The following SH2D4A variants were observed in gnomAD, a reference collection of about 807,000 sequenced individuals.
The protein encoded by SH2D4A is SH2 domain-containing protein 4A.
A neutral mutation model predicts 64.7 loss-of-function variants in SH2D4A; 70 were observed. The ratio of observed to expected loss-of-function variants is 1.08; its 90% CI spans 0.89 to 1.32. The LOEUF (loss-of-function observed/expected upper bound fraction) is 1.32, where lower values mean the gene tolerates loss of function less well. SH2D4A is among the 40% of genes most tolerant of loss of function. The pLI, the probability that SH2D4A is intolerant of heterozygous loss-of-function variation, is 0.00. For synonymous variants in SH2D4A, 268 were observed against 200.7 expected, an observed-to-expected ratio of 1.34 and a Z score of -2.83; for missense variants, 706 against 540.1, an observed-to-expected ratio of 1.31 and a Z score of -3.04.
chr8:19,355,280 C>G (rs1439478016), intron 4 of SH2D4A, among the ~76,000 whole-genome samples: 2 of 152,112 alleles, frequency 1.3e-5, no homozygotes, highest in South Asian at 2.1e-4. Flanking sequence ...TTTTAAAGCT[C>G]TCCTTCCTGG....
chr8:19,392,502 T>C (rs1029340398), intron 8 of SH2D4A, among the ~76,000 whole-genome samples: 3 of 152,112 alleles, frequency 2.0e-5, no homozygotes, highest in African/African-American at 7.2e-5. Flanking sequence ...AAGATGTCTC[T>C]CGGACACCTT....
intron 1 of SH2D4A, 134 bp downstream of exon 1, chr8:19,313,957 C>G (rs1481691260): frequency 4.7e-6 from 6 of 1,271,520 alleles, no homozygotes; most frequent in Non-Finnish European, 4.9e-6. Context: ...GAAGCCTCAC[C>G]CCCGCCTCCA....
At chr8:19,363,858 C>T (rs940343670) in intron 6 of SH2D4A, 2 of 566,572 alleles carry the variant, frequency 3.5e-6, no homozygotes, top group Non-Finnish European at 6.3e-6. Context: ...TCTCAGAAAA[C>T]CCCCAGTCCT....
chr8:19,343,546 T>C (rs1355081541), intron 4 of SH2D4A, among the ~76,000 whole-genome samples: 2 of 152,194 alleles, frequency 1.3e-5, no homozygotes, highest in African/African-American at 4.8e-5. Context: ...TATTTGGAAA[T>C]TCTTTGAAAA....
chr8:19,379,131 A>T (rs2153650844), intron 8 of SH2D4A, among the ~76,000 whole-genome samples: 1 of 151,832 alleles, frequency 6.6e-6, no homozygotes, highest in East Asian at 1.9e-4. Context: ...TGCAGAAGTT[A>T]TTTCACCTTG....
intron 2 of SH2D4A, among the ~76,000 whole-genome samples, chr8:19,331,952 G>A (rs1233185770): frequency 1.3e-5 from 2 of 152,110 alleles, no homozygotes; most frequent in Non-Finnish European, 2.9e-5. Flanking sequence ...CCAGAAGTTT[G>A]AGACCAGCCT....
intron 4 of SH2D4A, among the ~76,000 whole-genome samples, chr8:19,344,775 CTT>C (rs11326703): frequency 1.3e-5 from 2 of 151,890 alleles, no homozygotes; most frequent in Admixed American, 6.6e-5. Context: ...CAGATTTCAG[CTT>C]TTTTTTCCCA....
rs1563207129 is a variant in SH2D4A, at chr8:19,373,616, CG to C, written c.1007del (p.Gly336AlafsTer9). 1 of 1,613,270 alleles carries C rather than the reference CG, an allele frequency of 6.2e-7. No homozygotes were observed. The highest frequency in any genetic ancestry group is 1.7e-5 in the Admixed American group (1 of 59,930). On this transcript the variant is annotated frameshift_variant, in exon 8 of 10. Transcript: ENST00000265807. LOFTEE classifies it high-confidence loss of function. ...AAAGAGGAGCAGCTACCACTTCGAGCGGGCTACCAGAAAACCTCAGACACCA... is the reference window on the plus strand; with the variant it reads ...AAAGAGGAGCAGCTACCACTTCGAGCGGCTACCAGAAAACCTCAGACACCA... ...WFKEEQLPLR[A>X]GYQKTSDTIA...
intron 4 of SH2D4A, among the ~76,000 whole-genome samples, chr8:19,336,872 A>T (rs1248641715): frequency 1.3e-5 from 2 of 152,216 alleles, no homozygotes; most frequent in East Asian, 1.9e-4. Flanking sequence ...AAGTCTTAAA[A>T]AAAAGTATTA....
intron 2 of SH2D4A, among the ~76,000 whole-genome samples, chr8:19,331,614 T>G (rs3824328): frequency 6.6e-6 from 1 of 152,022 alleles, no homozygotes; most frequent in Non-Finnish European, 1.5e-5. Flanking sequence ...ACTACCTGGT[T>G]ATATTATCTT....
chr8:19,346,000 G>A lies in SH2D4A; in HGVS notation c.513+11143G>A, dbSNP rs547947880. 1.6e-4 allele frequency among the ~76,000 whole-genome samples: 25 copies of A among 152,286 alleles called. 1 individual carries two copies. The South Asian group carries it at 4.8e-3, about 29-fold the overall frequency. On this transcript the variant is annotated intron_variant, in intron 4 of 9. Transcript: ENST00000265807. ...AGTCTCAGAGTATCTTTCTATGCAC[G>A]CATGACAATCTTTACAGAAGATTTT...
At chr8:19,393,862 G>A (rs890332737) in intron 9 of SH2D4A, among the ~76,000 whole-genome samples, 2 of 152,166 alleles carry the variant, frequency 1.3e-5, no homozygotes, top group African/African-American at 4.8e-5. Flanking sequence ...CCAGTTTCCT[G>A]GATGACAATT....
In SH2D4A at chr8:19,334,847, A is replaced by T. The variant is rs58914649; in HGVS notation, c.503A>T (p.Glu168Val). Residue 168 changes from glutamate to valine, a missense_variant, in exon 4 of 10, where the codon GAG becomes GTG. Coordinates refer to ENST00000265807, the MANE Select transcript of SH2D4A (RefSeq NM_022071.4). ...AGGCCAGCACCAACCCTGGAAGAAG[A>T]GAAAATCCGAGTGAGTCCTTACTGT... ...GSRPAPTLEE[E>V]KIRSLSSSSR... The T allele has an allele frequency of 3.3e-4, 532 of 1,603,214 alleles. 2 individuals carry two copies. In the African/African-American group the frequency reaches 6.4e-3, roughly 19 times the overall value.
intron 5 of SH2D4A, 165 bp from the exon 6 acceptor site, chr8:19,361,038 A>G: frequency 2.2e-6 from 1 of 464,396 alleles, no homozygotes; most frequent in Non-Finnish European, 3.9e-6. Flanking sequence ...TTCAGGTCTT[A>G]CTGACTCCAA....
At chr8:19,379,773 G>T (rs990350986) in intron 8 of SH2D4A, among the ~76,000 whole-genome samples, 1 of 152,088 alleles carries the variant, frequency 6.6e-6, no homozygotes, top group Non-Finnish European at 1.5e-5. Context: ...GTCTTGCTCT[G>T]TTGCCTAGGC....
At chr8:19,334,534 A>G (rs946459505) in intron 3 of SH2D4A, 152 bp from the exon 4 acceptor site, 2 of 739,174 alleles carry the variant, frequency 2.7e-6, no homozygotes, top group African/African-American at 3.6e-5. Context: ...TAACGTCTTT[A>G]CACACCTAGC....
rs145381652 is a variant in SH2D4A at position 19,363,994 on chromosome 8, G to A, written c.707-78G>A. On this transcript the variant is annotated intron_variant, in intron 6 of 9. Transcript: ENST00000265807. ...CTGCTGAGAACCTGCGCTGCTGCCC[G>A]TTGTGCAATGAATGCTGAGCCTTCT... is the stretch of plus-strand genomic sequence containing the variant. 322 of 1,384,146 alleles carry A rather than the reference G, an allele frequency of 2.3e-4. 1 individual carries two copies. The African/African-American group carries it at 3.1e-3, about 13-fold the overall frequency. 85.7% of individuals were successfully genotyped at this position (1,384,146 alleles called of 1,614,324 possible). A position where few individuals can be genotyped will look rare whatever the true frequency, so the allele number is the denominator to read the frequency against.
chr8:19,315,094 T>G (rs893020114), intron 1 of SH2D4A, among the ~76,000 whole-genome samples: 1 of 146,766 alleles, frequency 6.8e-6, no homozygotes, highest in African/African-American at 2.7e-5. Context: ...CCGCAGTTAC[T>G]TTTTTTTTGG....
At chr8:19,331,279 G>T (rs947967449) in intron 2 of SH2D4A, among the ~76,000 whole-genome samples, 7 of 152,236 alleles carry the variant, frequency 4.6e-5, no homozygotes, top group Admixed American at 1.3e-4. Flanking sequence ...CTTAGTGTGA[G>T]AGGACAAGAC....
Sources: allele counts gnomAD v4.1 joint callset (sites outside exome capture counted in the v4.1 genomes callset), GRCh38; gene constraint gnomAD v4.1.1; transcripts MANE v1.5; gene names NCBI Gene and HGNC (gene_info 2026-07-23, HGNC 2026-07-21).